The following ODAD2 variants were observed in gnomAD, a reference collection of about 807,000 sequenced individuals.
The protein encoded by ODAD2 is outer dynein arm docking complex subunit 2, also known as outer dynein arm-docking complex subunit 2.
In ODAD2, 89 loss-of-function variants were observed where a neutral mutation model predicts 106.8. That is an observed-to-expected ratio of 0.83 (90% CI 0.70 to 0.99). ODAD2 has a LOEUF of 0.99. Ranked by LOEUF, ODAD2 falls within the 50% of genes least tolerant of loss-of-function variation. ODAD2 has a pLI of 0.00. For synonymous variants in ODAD2, 404 were observed against 436.2 expected (o/e 0.93, Z 0.92); for missense variants, 1,168 against 1,238.5 (o/e 0.94, Z 0.85).
intron 10 of ODAD2, among the ~76,000 whole-genome samples, chr10:27,955,699 GT>G (rs1847676878): frequency 4.4e-5 from 1 of 22,742 alleles, no homozygotes; most frequent in African/African-American, 1.1e-4. Flanking sequence ...CAATTAAGGT[GT>G]GTGTGTGTGT....
chr10:27,943,900 A>G (rs2132621490), intron 12 of ODAD2, among the ~76,000 whole-genome samples: 1 of 150,016 alleles, frequency 6.7e-6, no homozygotes, highest in East Asian at 2.0e-4. Context: ...CATTCCACCG[A>G]GCAGCAGGTC....
At chr10:27,986,170 A>T (rs1849863602) in intron 3 of ODAD2, among the ~76,000 whole-genome samples, 1 of 152,162 alleles carries the variant, frequency 6.6e-6, no homozygotes, top group African/African-American at 2.4e-5. Context: ...CGAAAAGGAG[A>T]CAAAGGAATC....
chr10:27,946,767 G>A (rs1234424246), intron 10 of ODAD2, among the ~76,000 whole-genome samples: 1 of 152,104 alleles, frequency 6.6e-6, no homozygotes, highest in Admixed American at 6.6e-5. Context: ...TATGACACAT[G>A]TACACATATG....
chr10:27,877,080 C>T (rs1247133228), intron 17 of ODAD2, among the ~76,000 whole-genome samples: 2 of 151,640 alleles, frequency 1.3e-5, no homozygotes, highest in African/African-American at 4.9e-5. Context: ...AAAAAAAAGG[C>T]AGTTTTAACT....
chr10:27,960,601 C>T (rs529609727), intron 10 of ODAD2, among the ~76,000 whole-genome samples: 7 of 152,034 alleles, frequency 4.6e-5, no homozygotes, highest in South Asian at 2.1e-4. Context: ...CCACCCTCCT[C>T]GGCCTCCCAA....
chr10:27,986,554 C>G (rs768424462), intron 3 of ODAD2, among the ~76,000 whole-genome samples: 23 of 152,056 alleles, frequency 1.5e-4, no homozygotes, highest in Non-Finnish European at 2.6e-4. Context: ...AAAGAGGTTG[C>G]CATCCTGAGG....
chr10:27,864,829 T>C (rs1183059950), intron 17 of ODAD2, among the ~76,000 whole-genome samples: 1 of 152,042 alleles, frequency 6.6e-6, no homozygotes, highest in African/African-American at 2.4e-5. Flanking sequence ...CAACGGCGTA[T>C]CAGGCATGGT....
intron 10 of ODAD2, among the ~76,000 whole-genome samples, chr10:27,959,906 G>A (rs1409097227): frequency 2.0e-5 from 3 of 152,028 alleles, no homozygotes; most frequent in Non-Finnish European, 2.9e-5. Flanking sequence ...TTATGAGCCA[G>A]AATATGTGAC....
intron 17 of ODAD2, among the ~76,000 whole-genome samples, chr10:27,900,762 G>GAA (rs1160521898): frequency 6.6e-6 from 1 of 152,108 alleles, no homozygotes; most frequent in African/African-American, 2.4e-5. Context: ...CAAGATTAGA[G>GAA]AAAAAAGAAT....
chr10:27,904,797 T>C (rs1264936827), intron 17 of ODAD2, among the ~76,000 whole-genome samples: 1 of 152,254 alleles, frequency 6.6e-6, no homozygotes, highest in East Asian at 1.9e-4. Flanking sequence ...TTGTTGGCAT[T>C]TTTATGGGAA....
chr10:27,944,502 C>T, intron 11 of ODAD2, 71 bp from the exon 12 acceptor site: 3 of 1,352,272 alleles, frequency 2.2e-6, no homozygotes, highest in Non-Finnish European at 3.1e-6. Flanking sequence ...TCCGAGTATA[C>T]CTAAAATCCT....
chr10:27,844,345 G>A (rs948706262), intron 19 of ODAD2, among the ~76,000 whole-genome samples: 1 of 152,188 alleles, frequency 6.6e-6, no homozygotes. Context: ...TAACAGGAAG[G>A]GCAGACATCA....
chr10:27,883,991 A>T lies in ODAD2; in HGVS notation c.2611-21369T>A, dbSNP rs539495813. ...CATTCTAGAAAAAAGGAGAAAGAGA[A>T]GAGAAAGAGGCAGAAAGGATATTTG... On this transcript the variant is annotated intron_variant, in intron 17 of 19. Transcript: ENST00000305242. 3.9e-5 allele frequency among the ~76,000 whole-genome samples: 6 copies of T among 152,166 alleles called. No individual in the cohort carries two copies. The South Asian group carries it at 1.2e-3, about 32-fold the overall frequency.
At chr10:27,948,515 C>T (rs1847096720) in intron 10 of ODAD2, among the ~76,000 whole-genome samples, 1 of 152,166 alleles carries the variant, frequency 6.6e-6, no homozygotes, top group African/African-American at 2.4e-5. Context: ...AGAAACCATG[C>T]AAATACACTC....
rs1843767927 is a variant in ODAD2, at chr10:27,908,641, CATGTAG to C, written c.2496-870_2496-865del. The stretch of plus-strand genomic sequence containing the variant: ...TTTTAATCTCAAGTTGAATTAAACA[CATGTAG>C]TATTGAGCCACAGATAGAATAAATA... On this transcript the variant is annotated intron_variant, in intron 16 of 19. Transcript: ENST00000305242. 2.0e-5 allele frequency among the ~76,000 whole-genome samples: 3 copies of C among 152,112 alleles called. No homozygotes were observed. In the South Asian group the frequency reaches 6.2e-4, roughly 31 times the overall value.
chr10:27,833,215 A>G (rs1247993007), intron 19 of ODAD2, among the ~76,000 whole-genome samples: 1 of 152,192 alleles, frequency 6.6e-6, no homozygotes, highest in East Asian at 1.9e-4. Flanking sequence ...TTACAGTCTG[A>G]TTTATTGCTG....
At chr10:27,833,650 T>C (rs1164686884) in intron 19 of ODAD2, among the ~76,000 whole-genome samples, 2 of 152,196 alleles carry the variant, frequency 1.3e-5, no homozygotes, top group East Asian at 3.8e-4. Context: ...TTGGGGAAAA[T>C]AGTTCATTGC....
At chr10:27,911,505 T>G (rs1844012735) in intron 16 of ODAD2, among the ~76,000 whole-genome samples, 1 of 152,112 alleles carries the variant, frequency 6.6e-6, no homozygotes, top group African/African-American at 2.4e-5. Context: ...AACAGACCAT[T>G]ATAATCTGTA....
chr10:27,981,891 C>G (rs1398363128), intron 6 of ODAD2: 1 of 172,324 alleles, frequency 5.8e-6, no homozygotes, highest in Non-Finnish European at 1.2e-5. Flanking sequence ...CTTCTCTCCG[C>G]TCTCCTCTAC....
Sources: gnomAD v4.1 joint callset for allele counts (sites outside exome capture counted in the v4.1 genomes callset) on GRCh38, gnomAD v4.1.1 for gene constraint, MANE v1.5 for transcripts, NCBI Gene and HGNC (gene_info 2026-07-23, HGNC 2026-07-21) for gene names.